The following C1orf94 variants were observed in gnomAD, a reference collection of about 807,000 sequenced individuals.
C1orf94 encodes the protein chromosome 1 open reading frame 94.
In C1orf94, 45 loss-of-function variants were observed where a neutral mutation model predicts 53.6. The observed-to-expected ratio is 0.84, with a 90% CI of 0.66 to 1.08. The LOEUF (loss-of-function observed/expected upper bound fraction) is 1.08. Among genes scored for constraint, C1orf94 ranks in the 50% least tolerant of loss-of-function variants. The pLI is 0.00. For synonymous variants in C1orf94, 304 were observed against 296.1 expected, an observed-to-expected ratio of 1.03 and a Z score of -0.27; for missense variants, 762 against 738.9, an observed-to-expected ratio of 1.03 and a Z score of -0.36.
intron 1 of C1orf94, among the ~76,000 whole-genome samples, chr1:34,185,135 C>T (rs1351381495): frequency 6.6e-6 from 1 of 152,112 alleles, no homozygotes; most frequent in Non-Finnish European, 1.5e-5. Context: ...TGAGACCCAA[C>T]CCTTAAGCAA....
intron 1 of C1orf94, among the ~76,000 whole-genome samples, chr1:34,195,102 A>T (rs1043872479): frequency 3.9e-5 from 6 of 152,172 alleles, no homozygotes; most frequent in African/African-American, 1.4e-4. Flanking sequence ...AGTCAGGGAA[A>T]GGGGACAGAA....
chr1:34,180,509 G>A (rs1334387122), intron 1 of C1orf94, among the ~76,000 whole-genome samples: 1 of 152,198 alleles, frequency 6.6e-6, no homozygotes, highest in Non-Finnish European at 1.5e-5. Context: ...AGGTTTGGAG[G>A]GGTTAATTTC....
At chr1:34,175,077 CT>C, upstream of C1orf94, among the ~76,000 whole-genome samples, 1 of 152,010 alleles carries the variant, frequency 6.6e-6, no homozygotes, top group East Asian at 1.9e-4. Context: ...ATGGACATAG[CT>C]TTATACTATT....
chr1:34,193,964 G>T (rs1413679137), intron 1 of C1orf94, among the ~76,000 whole-genome samples: 5 of 152,186 alleles, frequency 3.3e-5, no homozygotes, highest in African/African-American at 1.2e-4. Flanking sequence ...GCCTGGAGGG[G>T]TTGGTTCTGG....
intron 3 of C1orf94, among the ~76,000 whole-genome samples, chr1:34,201,649 A>G (rs1378905474): frequency 6.6e-6 from 1 of 152,218 alleles, no homozygotes; most frequent in Non-Finnish European, 1.5e-5. Context: ...AGTGTTGCCA[A>G]ATATATGTCC....
intron 1 of C1orf94, among the ~76,000 whole-genome samples, chr1:34,187,250 G>T (rs911769524): frequency 1.3e-5 from 2 of 152,180 alleles, no homozygotes; most frequent in Non-Finnish European, 1.5e-5. Context: ...GCTCAGAGAG[G>T]TTAAGCAAGT....
At position 34,177,945 on chromosome 1, in the gene C1orf94, G is replaced by T; in HGVS notation, c.156G>T (p.Trp52Cys). The change falls in exon 1 of 7, where the codon TGG becomes TGT. Residue 52 changes from tryptophan (W) to cysteine (C), a missense_variant. By Grantham distance (215) the Trp-to-Cys change is radical. Transcript: ENST00000488417. ...TGGGCCCATTCCCCAGATACATCTG[G>T]ATCCACCAGGACACACCCCAAGACA... ...CALGPFPRYI[W>C]IHQDTPQDSL... The T allele has an allele frequency of 6.4e-7, 1 of 1,551,678 alleles. No homozygotes were observed.
chr1:34,191,202 A>G (rs898331586), intron 1 of C1orf94, among the ~76,000 whole-genome samples: 2 of 152,216 alleles, frequency 1.3e-5, no homozygotes, highest in African/African-American at 4.8e-5. Flanking sequence ...TTGTGATAAA[A>G]TGGGGGCCAT....
chr1:34,178,484 G>A (rs1349657371), intron 1 of C1orf94, among the ~76,000 whole-genome samples: 1 of 152,226 alleles, frequency 6.6e-6, no homozygotes, highest in South Asian at 2.1e-4. Flanking sequence ...TAAAGGCTAG[G>A]CATTCACATG....
intron 6 of C1orf94, among the ~76,000 whole-genome samples, chr1:34,212,718 T>C (rs1642916568): frequency 6.6e-6 from 1 of 152,198 alleles, no homozygotes; most frequent in Non-Finnish European, 1.5e-5. Context: ...ACGATGCATT[T>C]GCCTTTACCC....
upstream of C1orf94, among the ~76,000 whole-genome samples, chr1:34,175,794 T>C (rs1642216004): frequency 6.6e-6 from 1 of 152,092 alleles, no homozygotes; most frequent in Admixed American, 6.5e-5. Context: ...CTCAAATTTT[T>C]CTCCTCAAAG....
chr1:34,205,532 T>TGCA (rs1262633946), intron 4 of C1orf94, among the ~76,000 whole-genome samples: 3 of 152,138 alleles, frequency 2.0e-5, no homozygotes, highest in Admixed American at 6.5e-5. Context: ...TCATAATAAT[T>TGCA]GCAGCAGCAG....
rs536750907 is a variant in C1orf94 at position 34,177,240 on chromosome 1, G to A, written c.-550G>A. On this transcript the variant is annotated 5_prime_UTR_variant, in exon 1 of 7. Coordinates refer to ENST00000488417, the MANE Select transcript of C1orf94 (RefSeq NM_001134734.2). ...GAAAAGCAGGACCTGGGCCGGGGGT[G>A]GGAGTCGGGCCGTTGACGCTCGCTC... Among the ~76,000 whole-genome samples, 3 of 151,910 alleles carry A rather than the reference G, an allele frequency of 2.0e-5. No individual in the cohort carries two copies. In the South Asian group the frequency reaches 6.2e-4, roughly 31 times the overall value.
chr1:34,179,557 C>T (rs1279936123), intron 1 of C1orf94, among the ~76,000 whole-genome samples: 1 of 152,242 alleles, frequency 6.6e-6, no homozygotes, highest in Non-Finnish European at 1.5e-5. Context: ...CACCTTTGGC[C>T]AGCTGCTTAA....
intron 1 of C1orf94, among the ~76,000 whole-genome samples, chr1:34,181,012 T>C (rs1309905697): frequency 1.3e-5 from 2 of 152,154 alleles, no homozygotes; most frequent in Non-Finnish European, 2.9e-5. Context: ...ATGGGGAGCT[T>C]ACCACTTCCC....
intron 1 of C1orf94, among the ~76,000 whole-genome samples, chr1:34,182,168 C>A (rs566548233): frequency 2.0e-5 from 3 of 152,296 alleles, no homozygotes; most frequent in South Asian, 2.1e-4. Flanking sequence ...GCACTCCAGC[C>A]TGGGCGACAG....
chr1:34,198,031 C>T lies in C1orf94; in HGVS notation c.1009+118C>T, dbSNP rs551442431. ...CTTCATGCAAAGCAAGACAAAGCAG[C>T]CTCTCTGGTGGGCACAGCCCCGAGG... On this transcript the variant is annotated intron_variant, in intron 2 of 6. Coordinates refer to ENST00000488417, the MANE Select transcript of C1orf94 (RefSeq NM_001134734.2). 4.5e-6 allele frequency: 5 copies of T among 1,114,738 alleles called. No individual in the cohort carries two copies. In the South Asian group the frequency reaches 8.2e-5, roughly 18 times the overall value. The allele number at this position is 1,114,738 out of a possible 1,614,324, so 69.1% of individuals were successfully genotyped here. A position where few individuals can be genotyped will look rare whatever the true frequency, so the allele number is the denominator to read the frequency against.
At position 34,208,143 on chromosome 1, in the gene C1orf94, C is replaced by T; in HGVS notation, c.1447-14C>T. 6.2e-7 allele frequency: 1 copy of T among 1,613,840 alleles called. No homozygotes were observed. Among genetic ancestry groups the T allele is most frequent in the Admixed American group, 1.7e-5 (1 of 60,000 alleles). On this transcript the variant is annotated splice_polypyrimidine_tract_variant and intron_variant, in intron 4 of 6. Coordinates refer to ENST00000488417, the MANE Select transcript of C1orf94 (RefSeq NM_001134734.2). ...CCCCTTGCCTGGCCATACTGAGCCT[C>T]TGTTTCTCCCCAGGGCCTGTACCCA...
At chr1:34,214,962 C>T (rs1642958475) in intron 6 of C1orf94, among the ~76,000 whole-genome samples, 1 of 152,198 alleles carries the variant, frequency 6.6e-6, no homozygotes, top group Non-Finnish European at 1.5e-5. Flanking sequence ...ATTGATCCAG[C>T]ACCTTGTATG....
Sources: allele counts gnomAD v4.1 joint callset (sites outside exome capture counted in the v4.1 genomes callset), GRCh38; gene constraint gnomAD v4.1.1; transcripts MANE v1.5; gene names NCBI Gene and HGNC (gene_info 2026-07-23, HGNC 2026-07-21).